The following ZNF804A variants were observed in gnomAD, a reference collection of about 807,000 sequenced individuals.
The protein encoded by ZNF804A is zinc finger protein 804A.
In ZNF804A, 2 loss-of-function variants were observed where a neutral mutation model predicts 16.5. The observed-to-expected ratio is 0.12, with a 90% CI of 0.05 to 0.38. The LOEUF is 0.38. ZNF804A is among the 10% of genes least tolerant of loss of function. The pLI is 0.99. For synonymous variants in ZNF804A, 534 were observed against 489.6 expected (o/e 1.09, Z -1.20); for missense variants, 1,473 against 1,390.7 (o/e 1.06, Z -0.94).
At chr2:184,617,794 T>C (rs946005529) in intron 1 of ZNF804A, among the ~76,000 whole-genome samples, 1 of 151,628 alleles carries the variant, frequency 6.6e-6, no homozygotes, top group Non-Finnish European at 1.5e-5. Flanking sequence ...TTAAAATAAA[T>C]CAACAAACTT....
chr2:184,609,334 G>C (rs1691201377), intron 1 of ZNF804A, among the ~76,000 whole-genome samples: 1 of 152,184 alleles, frequency 6.6e-6, no homozygotes, highest in South Asian at 2.1e-4. Flanking sequence ...AATTATGCAT[G>C]ACCCTTTCTC....
chr2:184,629,910 A>G (rs944097001), intron 1 of ZNF804A, among the ~76,000 whole-genome samples: 2 of 152,146 alleles, frequency 1.3e-5, no homozygotes, highest in African/African-American at 4.8e-5. Context: ...ATTAGGCCTT[A>G]GAGGCTTGCA....
At chr2:184,882,569 AT>A (rs1240901918) in intron 2 of ZNF804A, among the ~76,000 whole-genome samples, 10 of 152,062 alleles carry the variant, frequency 6.6e-5, no homozygotes, top group Non-Finnish European at 1.3e-4. Flanking sequence ...AAATTAAAAA[AT>A]AATAATAAAT....
At chr2:184,613,269 G>A (rs186127603) in intron 1 of ZNF804A, among the ~76,000 whole-genome samples, 1 of 152,142 alleles carries the variant, frequency 6.6e-6, no homozygotes, top group African/African-American at 2.4e-5. Flanking sequence ...TCTCTTTCTC[G>A]CTCTCTGCCC....
chr2:184,938,741 A>AGCC lies in ZNF804A; in HGVS notation c.3348_3350dup (p.Ala1119dup), dbSNP rs779315590. 1.2e-6 allele frequency: 2 copies of AGCC among 1,608,136 alleles called. No homozygotes were observed. The highest frequency in any genetic ancestry group is 1.7e-6 in the Non-Finnish European group (2 of 1,177,214). ...CTGCAGCTGCTGCAGCTGCAGCTGC[A>AGCC]GCCGCAGCTGCAGGAACCTTTAAAG... On this transcript the variant is annotated inframe_insertion, in exon 4 of 4. Transcript: ENST00000302277.
intron 1 of ZNF804A, among the ~76,000 whole-genome samples, chr2:184,599,388 C>T (rs1192607664): frequency 6.6e-6 from 1 of 152,140 alleles, no homozygotes; most frequent in Non-Finnish European, 1.5e-5. Context: ...GAACTCTAAC[C>T]CCAAGTTACC....
At chr2:184,884,416 A>G (rs1684855107) in intron 2 of ZNF804A, among the ~76,000 whole-genome samples, 1 of 152,106 alleles carries the variant, frequency 6.6e-6, no homozygotes, top group South Asian at 2.1e-4. Context: ...CCAAACTACC[A>G]ATGATAGTCT....
intron 1 of ZNF804A, among the ~76,000 whole-genome samples, chr2:184,757,340 T>C (rs764779113): frequency 9.9e-5 from 15 of 151,964 alleles, no homozygotes; most frequent in Non-Finnish European, 2.1e-4. Context: ...CACTCTACAA[T>C]GTCTAAACAC....
chr2:184,712,478 C>T (rs1461337166), intron 1 of ZNF804A, among the ~76,000 whole-genome samples: 3 of 151,666 alleles, frequency 2.0e-5, no homozygotes, highest in African/African-American at 4.8e-5. Context: ...AATGTCGACA[C>T]GTTGGCTGTA....
At chr2:184,797,412 T>C (rs1486129838) in intron 1 of ZNF804A, among the ~76,000 whole-genome samples, 1 of 152,144 alleles carries the variant, frequency 6.6e-6, no homozygotes, top group African/African-American at 2.4e-5. Context: ...CACTGTTGCT[T>C]TAAAGTTTGT....
intron 1 of ZNF804A, among the ~76,000 whole-genome samples, chr2:184,632,692 T>C (rs1272510726): frequency 6.6e-6 from 1 of 152,212 alleles, no homozygotes; most frequent in Non-Finnish European, 1.5e-5. Flanking sequence ...TTAGTTTTAA[T>C]TGTCAGGCTC....
chr2:184,832,286 A>C (rs1306940402), intron 1 of ZNF804A, among the ~76,000 whole-genome samples: 1 of 152,032 alleles, frequency 6.6e-6, no homozygotes, highest in African/African-American at 2.4e-5. Context: ...TATGTGCTTA[A>C]AGAATGCTGA....
intron 2 of ZNF804A, among the ~76,000 whole-genome samples, chr2:184,900,577 C>T (rs1022291321): frequency 2.6e-5 from 4 of 151,800 alleles, no homozygotes; most frequent in Admixed American, 2.6e-4. Context: ...TTTCTCATGT[C>T]CTGGGTGTAT....
intron 1 of ZNF804A, among the ~76,000 whole-genome samples, chr2:184,718,727 C>T (rs565935464): frequency 1.3e-5 from 2 of 152,152 alleles, no homozygotes; most frequent in Non-Finnish European, 2.9e-5. Flanking sequence ...AGTGGGTTTT[C>T]ATGGTCTTGG....
intron 1 of ZNF804A, among the ~76,000 whole-genome samples, chr2:184,828,494 T>C (rs1055305676): frequency 5.9e-5 from 9 of 151,922 alleles, no homozygotes; most frequent in African/African-American, 9.6e-5. Context: ...TTATTTTCCT[T>C]CATTAAAATT....
At chr2:184,668,858 A>G (rs1174860879) in intron 1 of ZNF804A, among the ~76,000 whole-genome samples, 1 of 151,992 alleles carries the variant, frequency 6.6e-6, no homozygotes, top group Non-Finnish European at 1.5e-5. Context: ...AATGTTGTAA[A>G]TAGTATTGCC....
chr2:184,626,761 T>A (rs1381023554), intron 1 of ZNF804A, among the ~76,000 whole-genome samples: 3 of 152,218 alleles, frequency 2.0e-5, no homozygotes, highest in Non-Finnish European at 4.4e-5. Flanking sequence ...TACCTTGAAA[T>A]ATTTTGATAG....
intron 1 of ZNF804A, among the ~76,000 whole-genome samples, chr2:184,842,731 A>C (rs1695456782): frequency 6.6e-6 from 1 of 152,180 alleles, no homozygotes; most frequent in African/African-American, 2.4e-5. Context: ...GCTAGAAAAT[A>C]TTAAACAATT....
At chr2:184,901,948 TTTTTAAAATCTCCAAATTATACAC>T (rs1049777787) in intron 2 of ZNF804A, among the ~76,000 whole-genome samples, 2 of 152,090 alleles carry the variant, frequency 1.3e-5, no homozygotes, top group African/African-American at 2.4e-5. Context: ...TATTTTAACT[TTTTTAAAATCTCCAAATTATACAC>T]AAATTTAGCT....
Sources: allele counts gnomAD v4.1 joint callset (sites outside exome capture counted in the v4.1 genomes callset), GRCh38; gene constraint gnomAD v4.1.1; transcripts MANE v1.5; gene names NCBI Gene and HGNC (gene_info 2026-07-23, HGNC 2026-07-21).